DPY19L2: variants seen among roughly 807,000 people sequenced by gnomAD.
DPY19L2 encodes the protein dpy-19 like 2.
Under a neutral mutation model 97.9 loss-of-function variants are expected in DPY19L2, and 34 were observed. The observed-to-expected ratio is 0.35, with a 90% CI of 0.26 to 0.46. The LOEUF is 0.46. DPY19L2 is among the 20% of genes least tolerant of loss of function. The pLI is 1.00. For missense variants in DPY19L2, 623 were observed against 911.4 expected (o/e 0.68, Z 4.07); for synonymous variants, 230 against 307.9 (o/e 0.75, Z 2.65).
chr12:63,600,830 G>A (rs1238076530), intron 12 of DPY19L2, among the ~76,000 whole-genome samples: 2 of 148,316 alleles, frequency 1.3e-5, no homozygotes, highest in African/African-American at 5.0e-5. Flanking sequence ...CTGTCCCCCA[G>A]GCCGGAGTGC....
chr12:63,654,487 A>C (rs1894697474), intron 4 of DPY19L2, among the ~76,000 whole-genome samples: 2 of 152,162 alleles, frequency 1.3e-5, no homozygotes, highest in Non-Finnish European at 2.9e-5. Context: ...CATATTAATA[A>C]CTATATTAAA....
At chr12:63,654,289 A>G (rs1424835065) in intron 4 of DPY19L2, among the ~76,000 whole-genome samples, 1 of 152,166 alleles carries the variant, frequency 6.6e-6, no homozygotes, top group Non-Finnish European at 1.5e-5. Context: ...AATTGTGTTA[A>G]TACAATCACT....
Position 63,591,993 on chromosome 12 carries a change from AGGGAGGGGAAGGGAG to A in DPY19L2, c.1580+2079_1580+2093del, listed in dbSNP as rs1565728367. On this transcript the variant is annotated intron_variant, in intron 16 of 21. Transcript: ENST00000324472. The stretch of plus-strand genomic sequence containing the variant: ...AAAGAAAAGAGGGGAAGGGAAGGGA[AGGGAGGGGAAGGGAG>A]GGGAGGGGAGGGGAGGGGAGGGGAG... Among the ~76,000 whole-genome samples, 4 of 17,388 alleles carry A rather than the reference AGGGAGGGGAAGGGAG, an allele frequency of 2.3e-4. 1 individual carries two copies. Among genetic ancestry groups the A allele is most frequent in the African/African-American group, 7.9e-4 (2 of 2,526 alleles). 11.4% of individuals were successfully genotyped at this position (17,388 alleles called of 152,430 possible).
intron 21 of DPY19L2, among the ~76,000 whole-genome samples, chr12:63,567,609 C>T (rs1455673692): frequency 1.3e-5 from 2 of 151,958 alleles, no homozygotes; most frequent in African/African-American, 4.8e-5. Context: ...CCATTTCCAG[C>T]ACATTTGAGT....
intron 8 of DPY19L2, among the ~76,000 whole-genome samples, 196 bp from the exon 9 acceptor site, chr12:63,621,533 T>C (rs1338941851): frequency 6.6e-6 from 1 of 152,176 alleles, no homozygotes; most frequent in East Asian, 1.9e-4. Context: ...CAATCAAAAT[T>C]AGAGTTTTAA....
At position 63,588,356 on chromosome 12, in the gene DPY19L2, A is replaced by G. The variant is rs375298932; in HGVS notation, c.1581-4520T>C. Among the ~76,000 whole-genome samples the G allele has an allele frequency of 6.4e-4, 97 of 152,322 alleles. 1 individual carries two copies. The East Asian group carries it at 0.018, about 28-fold the overall frequency. ...CTGCCTCTACTCTACAAATGGAACA[A>G]CAAAGCCTGGATGACAGCACATCTG... On this transcript the variant is annotated intron_variant, in intron 16 of 21. Transcript: ENST00000324472.
At chr12:63,653,000 A>G (rs944753873) in intron 4 of DPY19L2, among the ~76,000 whole-genome samples, 2 of 152,216 alleles carry the variant, frequency 1.3e-5, no homozygotes, top group Non-Finnish European at 2.9e-5. Context: ...TCAGAACTCA[A>G]AAATAAAATA....
At chr12:63,563,322 C>G (rs1877001341) in intron 21 of DPY19L2, among the ~76,000 whole-genome samples, 1 of 152,070 alleles carries the variant, frequency 6.6e-6, no homozygotes, top group Non-Finnish European at 1.5e-5. Context: ...GATTATGTTA[C>G]TGTATCTGAG....
intron 4 of DPY19L2, among the ~76,000 whole-genome samples, chr12:63,651,218 C>T (rs1035774815): frequency 2.0e-5 from 3 of 152,098 alleles, no homozygotes; most frequent in African/African-American, 7.2e-5. Flanking sequence ...AAGACTGAAA[C>T]TTCACCTTTC....
intron 12 of DPY19L2, among the ~76,000 whole-genome samples, chr12:63,602,071 T>C (rs1423220816): frequency 6.6e-6 from 1 of 152,018 alleles, no homozygotes; most frequent in African/African-American, 2.4e-5. Context: ...CACTGAATGA[T>C]AAAATCTCAC....
At chr12:63,578,984 A>G (rs1452144541) in intron 19 of DPY19L2, among the ~76,000 whole-genome samples, 4 of 152,100 alleles carry the variant, frequency 2.6e-5, no homozygotes, top group East Asian at 1.9e-4. Context: ...AGAAGAATTG[A>G]AAGCCCAGGG....
intron 19 of DPY19L2, among the ~76,000 whole-genome samples, chr12:63,574,075 A>G (rs1387026483): frequency 6.6e-6 from 1 of 152,124 alleles, no homozygotes; most frequent in African/African-American, 2.4e-5. Flanking sequence ...TGATAAGTAG[A>G]AAGACGAAAA....
chr12:63,587,650 G>A (rs1238444116), intron 16 of DPY19L2, among the ~76,000 whole-genome samples: 1 of 151,136 alleles, frequency 6.6e-6, no homozygotes, highest in Non-Finnish European at 1.5e-5. Flanking sequence ...TTGGCTCACT[G>A]CAACCTCCAA....
Position 63,609,120 on chromosome 12 carries a change from G to A in DPY19L2, c.1219-445C>T, listed in dbSNP as rs1042057493. On this transcript the variant is annotated intron_variant, in intron 11 of 21. Transcript: ENST00000324472. ...TATGTGAAAGAGAAAGAACTTCTCC[G>A]ATGCTAGAAAAAATATTATTTTTAA... Among the ~76,000 whole-genome samples, 4 of 152,018 alleles carry A rather than the reference G, an allele frequency of 2.6e-5. No individual in the cohort carries two copies. The South Asian group carries it at 6.2e-4, about 24-fold the overall frequency.
intron 10 of DPY19L2, 133 bp downstream of exon 10, chr12:63,618,018 T>C (rs1592590176): frequency 1.3e-6 from 1 of 760,440 alleles, no homozygotes; most frequent in Non-Finnish European, 2.1e-6. Context: ...CCAGTTTTCC[T>C]TCTGGATATC....
chr12:63,649,064 T>G (rs1296557995), intron 4 of DPY19L2, among the ~76,000 whole-genome samples: 1 of 152,100 alleles, frequency 6.6e-6, no homozygotes, highest in Non-Finnish European at 1.5e-5. Context: ...TTAAACAACC[T>G]GCTCCTGAAT....
chr12:63,639,569 A>G (rs981053576), intron 6 of DPY19L2, among the ~76,000 whole-genome samples: 3 of 152,228 alleles, frequency 2.0e-5, no homozygotes, highest in Non-Finnish European at 4.4e-5. Flanking sequence ...TCAAAAGAAG[A>G]CATTTATGCA....
At chr12:63,642,879 A>G (rs182648716) in intron 6 of DPY19L2, among the ~76,000 whole-genome samples, 1 of 152,228 alleles carries the variant, frequency 6.6e-6, no homozygotes, top group Non-Finnish European at 1.5e-5. Flanking sequence ...TTTAATATCA[A>G]GTCTTCAATC....
intron 20 of DPY19L2, 182 bp from the exon 21 acceptor site, chr12:63,569,531 T>G (rs1878404889): frequency 2.4e-6 from 1 of 425,404 alleles, no homozygotes; most frequent in South Asian, 2.9e-5. Context: ...ATATTTTGAA[T>G]GTAATAAAAC....
Sources: gnomAD v4.1 joint callset for allele counts (sites outside exome capture counted in the v4.1 genomes callset) on GRCh38, gnomAD v4.1.1 for gene constraint, MANE v1.5 for transcripts, NCBI Gene and HGNC (gene_info 2026-07-23, HGNC 2026-07-21) for gene names.